Variants in ITPR1 observed in about 807,000 individuals in gnomAD.
The protein encoded by ITPR1 is inositol 1,4,5-trisphosphate receptor type 1, also known as inositol 1,4,5-trisphosphate-gated calcium channel ITPR1.
A neutral mutation model predicts 318.4 loss-of-function variants in ITPR1; 96 were observed. The ratio of observed to expected loss-of-function variants is 0.30; its 90% CI spans 0.26 to 0.36. The LOEUF is 0.36. ITPR1 is among the 10% of genes least tolerant of loss of function. The probability of loss-of-function intolerance (pLI) is 1.00; values close to 1 mark genes in which losing one functional copy is unlikely to be tolerated. For synonymous variants in ITPR1, 1,312 were observed against 1,289.9 expected (o/e 1.02, Z -0.37); for missense variants, 2,440 against 3,460.2 (o/e 0.71, Z 7.40).
At chr3:4,765,431 A>T (rs2045752849) in intron 44 of ITPR1, among the ~76,000 whole-genome samples, 1 of 152,208 alleles carries the variant, frequency 6.6e-6, no homozygotes, top group Non-Finnish European at 1.5e-5. Flanking sequence ...TTGCATGTCG[A>T]CGATGGAAAT....
chr3:4,622,447 T>C (rs9881021), intron 4 of ITPR1, among the ~76,000 whole-genome samples: 88,905 of 149,362 alleles, frequency 0.6, 26,707 homozygotes, highest in South Asian at 0.78. Context: ...TATTTTGAGA[T>C]GGAGTCTTGC....
chr3:4,693,177 G>T (rs375995341), intron 32 of ITPR1, among the ~76,000 whole-genome samples: 1 of 152,154 alleles, frequency 6.6e-6, no homozygotes, highest in Non-Finnish European at 1.5e-5. Flanking sequence ...TAGCCTAATT[G>T]GTAGGTATGG....
intron 4 of ITPR1, among the ~76,000 whole-genome samples, chr3:4,592,382 T>A (rs1459844043): frequency 6.6e-6 from 1 of 152,244 alleles, no homozygotes; most frequent in Non-Finnish European, 1.5e-5. Context: ...GCTCATGAAG[T>A]ATAAAATATA....
intron 31 of ITPR1, among the ~76,000 whole-genome samples, chr3:4,689,109 G>A (rs780273332): frequency 6.6e-6 from 1 of 152,170 alleles, no homozygotes; most frequent in Non-Finnish European, 1.5e-5. Context: ...GCATTGTCTT[G>A]TGTTCTGCTT....
At position 4,775,476 on chromosome 3, in the gene ITPR1, A is replaced by G. The variant is rs760863262; in HGVS notation, c.6180+34A>G. The G allele has an allele frequency of 2.6e-6, 4 of 1,530,076 alleles. No homozygotes were observed. In the South Asian group the frequency reaches 4.6e-5, roughly 18 times the overall value. 94.8% of individuals were successfully genotyped at this position (1,530,076 alleles called of 1,614,324 possible). A position where few individuals can be genotyped will look rare whatever the true frequency, so the allele number is the denominator to read the frequency against. On this transcript the variant is annotated intron_variant, in intron 47 of 61. Coordinates refer to ENST00000649015, the MANE Select transcript of ITPR1 (RefSeq NM_001378452.1). ...ATTTCTGTTTTGGGATGGGGAAAAA[A>G]AGTGTCCCATTTTGGAAATGTTGAT...
chr3:4,827,611 G>T (rs1024675557), intron 60 of ITPR1, among the ~76,000 whole-genome samples: 1 of 152,194 alleles, frequency 6.6e-6, no homozygotes, highest in African/African-American at 2.4e-5. Context: ...CAGGGCCTCA[G>T]TTTTACCACC....
At chr3:4,814,062 C>T (rs1030933072) in intron 57 of ITPR1, among the ~76,000 whole-genome samples, 1 of 152,170 alleles carries the variant, frequency 6.6e-6, no homozygotes, top group Non-Finnish European at 1.5e-5. Context: ...GTGGCATAAC[C>T]CTCATCTGAG....
At chr3:4,713,563 G>GCCCCTA (rs2041539179) in intron 39 of ITPR1, among the ~76,000 whole-genome samples, 1 of 152,124 alleles carries the variant, frequency 6.6e-6, no homozygotes, top group Non-Finnish European at 1.5e-5. Context: ...CCTGCTCCCT[G>GCCCCTA]CCCCTACCCA....
Position 4,700,513 on chromosome 3 carries a change from C to T in ITPR1, c.4536+572C>T, listed in dbSNP as rs188192525. 2.0e-3 allele frequency among the ~76,000 whole-genome samples: 305 copies of T among 151,952 alleles called. 1 individual carries two copies. Among genetic ancestry groups the T allele is most frequent in the Middle Eastern group, 0.014 (4 of 294 alleles). Reference sequence around the variant, plus strand: ...TTAGCCAGGAAAATGAAGCGGTGAACGAAAAGGGACCTGGAGAGAACACAA... The same window carrying T: ...TTAGCCAGGAAAATGAAGCGGTGAATGAAAAGGGACCTGGAGAGAACACAA... On this transcript the variant is annotated intron_variant, in intron 35 of 61. Coordinates refer to ENST00000649015, the MANE Select transcript of ITPR1 (RefSeq NM_001378452.1).
At chr3:4,700,194 C>G (rs1487280081) in intron 35 of ITPR1, among the ~76,000 whole-genome samples, 1 of 152,082 alleles carries the variant, frequency 6.6e-6, no homozygotes, top group African/African-American at 2.4e-5. Flanking sequence ...TTTTTGTCCT[C>G]CAGTCCTCTG....
intron 43 of ITPR1, among the ~76,000 whole-genome samples, chr3:4,733,884 C>T (rs2043100305): frequency 6.6e-6 from 1 of 152,318 alleles, no homozygotes; most frequent in African/African-American, 2.4e-5. Flanking sequence ...GATACAAAAA[C>T]ATGGAACTCA....
intron 2 of ITPR1, among the ~76,000 whole-genome samples, chr3:4,507,962 G>A (rs915423165): frequency 8.1e-4 from 123 of 152,308 alleles, no homozygotes; most frequent in African/African-American, 2.7e-3. Context: ...AGTGTTTTGC[G>A]TGTGTCTTGG....
At chr3:4,833,222 A>G (rs1283381412) in intron 60 of ITPR1, among the ~76,000 whole-genome samples, 1 of 152,214 alleles carries the variant, frequency 6.6e-6, no homozygotes, top group Non-Finnish European at 1.5e-5. Context: ...GGAGGTACAT[A>G]TGGCATGAAA....
chr3:4,769,442 G>C (rs2046044146), intron 46 of ITPR1, among the ~76,000 whole-genome samples: 1 of 152,198 alleles, frequency 6.6e-6, no homozygotes, highest in Non-Finnish European at 1.5e-5. Context: ...AAATATATTA[G>C]ATTTCTAAAA....
At chr3:4,571,946 C>G (rs1305132672) in intron 4 of ITPR1, among the ~76,000 whole-genome samples, 2 of 152,148 alleles carry the variant, frequency 1.3e-5, no homozygotes, top group East Asian at 3.9e-4. Flanking sequence ...AGTTGTGTGG[C>G]TCAAGCACCT....
chr3:4,668,854 G>C (rs2094010082), intron 18 of ITPR1, among the ~76,000 whole-genome samples: 1 of 152,198 alleles, frequency 6.6e-6, no homozygotes. Flanking sequence ...TCAGTTGTTG[G>C]TTGAGCGTTT....
intron 10 of ITPR1, among the ~76,000 whole-genome samples, chr3:4,646,932 TGTATA>T (rs1337739717): frequency 6.6e-6 from 1 of 152,094 alleles, no homozygotes; most frequent in Admixed American, 6.5e-5. Context: ...GTCTAGCCTA[TGTATA>T]GTATAGTAAA....
rs769343591 is a variant in ITPR1, at chr3:4,826,969, GCA to G, written c.8028+8730_8028+8731del. ...AGACTGTGCAGGACATGAGGGTTATGCACAGACATTGTTCCGTCAGCCACTGA... is the reference window on the plus strand; with the variant it reads ...AGACTGTGCAGGACATGAGGGTTATGCAGACATTGTTCCGTCAGCCACTGA... On this transcript the variant is annotated intron_variant, in intron 60 of 61. Transcript: ENST00000649015. The surrounding 1 kb of genome is among the most constrained non-coding windows in gnomAD (Gnocchi z 4.2). Among the ~76,000 whole-genome samples, 135 of 152,296 alleles carry G rather than the reference GCA, an allele frequency of 8.9e-4. 1 individual carries two copies. Among genetic ancestry groups the G allele is most frequent in the South Asian group, 2.5e-3 (12 of 4,826 alleles).
chr3:4,619,592 C>T (rs1224920733), intron 4 of ITPR1, among the ~76,000 whole-genome samples: 17 of 79,230 alleles, frequency 2.1e-4, no homozygotes, highest in Admixed American at 2.5e-4. Flanking sequence ...CTTCCCCTGC[C>T]CTCCCCTGCT....
Sources: gnomAD v4.1 joint callset for allele counts (sites outside exome capture counted in the v4.1 genomes callset) on GRCh38, gnomAD v4.1.1 for gene constraint, Gnocchi (gnomAD v3.1) non-coding constraint, MANE v1.5 for transcripts, NCBI Gene and HGNC (gene_info 2026-07-23, HGNC 2026-07-21) for gene names.